SYCP1: variants seen among roughly 807,000 people sequenced by gnomAD.
SYCP1 encodes synaptonemal complex protein 1, also known as cancer/testis antigen 8.
Under a neutral mutation model 153.1 loss-of-function variants are expected in SYCP1, and 64 were observed. The observed-to-expected ratio is 0.42, with a 90% CI of 0.34 to 0.51. The LOEUF is 0.51. Among genes scored for constraint, SYCP1 ranks in the 20% least tolerant of loss-of-function variants. The pLI is 0.06. For missense variants in SYCP1, 997 were observed against 1,049.0 expected (o/e 0.95, Z 0.68); for synonymous variants, 384 against 341.8 (o/e 1.12, Z -1.36).
intron 23 of SYCP1, among the ~76,000 whole-genome samples, chr1:114,933,420 G>A (rs1570799896): frequency 6.6e-6 from 1 of 152,140 alleles, no homozygotes; most frequent in Non-Finnish European, 1.5e-5. Flanking sequence ...AAGACCAAAG[G>A]TAGATAAAAC....
intron 8 of SYCP1, among the ~76,000 whole-genome samples, chr1:114,866,080 A>G (rs2101359662): frequency 6.6e-6 from 1 of 152,252 alleles, no homozygotes; most frequent in South Asian, 2.1e-4. Context: ...TTATCCATTC[A>G]CTTACTAAAG....
intron 27 of SYCP1, among the ~76,000 whole-genome samples, chr1:114,960,406 G>T (rs1671712154): frequency 6.6e-6 from 1 of 152,158 alleles, no homozygotes; most frequent in Non-Finnish European, 1.5e-5. Context: ...GACCTCAGGT[G>T]ATCCACTCGC....
chr1:114,935,593 C>A (rs1669943727), intron 23 of SYCP1, among the ~76,000 whole-genome samples: 1 of 151,844 alleles, frequency 6.6e-6, no homozygotes, highest in African/African-American at 2.4e-5. Flanking sequence ...GAAACCCTTC[C>A]AAAAAATCAA....
intron 23 of SYCP1, among the ~76,000 whole-genome samples, chr1:114,927,876 A>C (rs750614073): frequency 7.9e-5 from 12 of 152,174 alleles, no homozygotes; most frequent in Non-Finnish European, 1.8e-4. Flanking sequence ...TGGAGTGTGC[A>C]GTGGAGTGAT....
chr1:114,984,259 A>G (rs1307797550), intron 29 of SYCP1, among the ~76,000 whole-genome samples: 2 of 152,124 alleles, frequency 1.3e-5, no homozygotes, highest in African/African-American at 2.4e-5. Flanking sequence ...ACAAGATAGT[A>G]TAGAATGTGA....
At chr1:114,944,271 G>T in intron 23 of SYCP1, 68 bp from the exon 24 acceptor site, 1 of 894,574 alleles carries the variant, frequency 1.1e-6, no homozygotes, top group South Asian at 1.6e-5. Flanking sequence ...ACCACAAAAT[G>T]AATATGGAAT....
chr1:114,973,235 G>A (rs1340001194), intron 27 of SYCP1, among the ~76,000 whole-genome samples: 1 of 152,018 alleles, frequency 6.6e-6, no homozygotes, highest in Non-Finnish European at 1.5e-5. Flanking sequence ...TTCTTTTAGA[G>A]GAATCTTCTG....
In SYCP1 at chr1:114,876,789, A is replaced by G. The variant is rs184948082; in HGVS notation, c.780A>G (p.Glu260=). 3 of 1,398,408 alleles carry G rather than the reference A, an allele frequency of 2.1e-6. No individual in the cohort carries two copies. The highest frequency in any genetic ancestry group is 2.8e-5 in the East Asian group (1 of 35,592). The allele number at this position is 1,398,408 out of a possible 1,614,324, so 86.6% of individuals were successfully genotyped here. The change falls in exon 11 of 32, where the codon GAA becomes GAG. Residue 260 remains glutamate (E), a synonymous_variant. Transcript: ENST00000369522. ...IQHLEQEYKK[E]INDKEKQVSL... ...ACCTTGAACAAGAATACAAGAAGGAAATAAATGACAAGGAAAAGCAGGTTT... is the reference window on the plus strand; with the variant it reads ...ACCTTGAACAAGAATACAAGAAGGAGATAAATGACAAGGAAAAGCAGGTTT...
chr1:114,955,438 C>T (rs1473637568), intron 27 of SYCP1, among the ~76,000 whole-genome samples: 1 of 152,146 alleles, frequency 6.6e-6, no homozygotes, highest in Non-Finnish European at 1.5e-5. Flanking sequence ...GTTTTCCTTG[C>T]TTCTGTTTTC....
chr1:114,856,939 A>C (rs1179785932), intron 3 of SYCP1, among the ~76,000 whole-genome samples: 3 of 146,990 alleles, frequency 2.0e-5, no homozygotes, highest in Non-Finnish European at 3.0e-5. Context: ...AAAAAAAAAA[A>C]AAAAAACCAG....
intron 20 of SYCP1, among the ~76,000 whole-genome samples, chr1:114,921,273 C>T (rs956576412): frequency 6.6e-6 from 1 of 152,004 alleles, no homozygotes; most frequent in African/African-American, 2.4e-5. Flanking sequence ...AAACTCTATA[C>T]TTTGTTTCCC....
intron 19 of SYCP1, 57 bp from the exon 20 acceptor site, chr1:114,913,918 T>A (rs1390304643): frequency 7.6e-7 from 1 of 1,313,142 alleles, no homozygotes; most frequent in Non-Finnish European, 1.0e-6. Context: ...AAATAGTAGT[T>A]TAAATTTTAT....
intron 23 of SYCP1, among the ~76,000 whole-genome samples, chr1:114,934,054 CA>C (rs1669814724): frequency 6.6e-6 from 1 of 152,072 alleles, no homozygotes; most frequent in Non-Finnish European, 1.5e-5. Flanking sequence ...TCAGGAAATA[CA>C]GAGAACACCA....
chr1:114,857,211 C>T, intron 3 of SYCP1, 21 bp from the exon 4 acceptor site: 2 of 1,558,950 alleles, frequency 1.3e-6, no homozygotes, highest in Middle Eastern at 1.8e-4. Context: ...TATTTAATAC[C>T]TGTTGTCTTT....
At chr1:114,974,116 T>C (rs1457027979) in intron 27 of SYCP1, among the ~76,000 whole-genome samples, 1 of 151,916 alleles carries the variant, frequency 6.6e-6, no homozygotes, top group Non-Finnish European at 1.5e-5. Context: ...TAACCTTGAT[T>C]GAATCTGTAA....
chr1:114,864,649 T>G (rs975772450), intron 8 of SYCP1, among the ~76,000 whole-genome samples: 14 of 151,784 alleles, frequency 9.2e-5, no homozygotes, highest in African/African-American at 3.4e-4. Context: ...CCACCAGGGC[T>G]GTCTAATTTT....
intron 16 of SYCP1, among the ~76,000 whole-genome samples, chr1:114,902,291 G>GT (rs1039416249): frequency 1.0e-3 from 158 of 151,414 alleles, no homozygotes; most frequent in African/African-American, 3.3e-3. Context: ...AGAAAAAGAT[G>GT]TTTTTTTTTG....
Position 114,858,558 on chromosome 1 carries a change from A to G in SYCP1, c.303A>G (p.Gly101=). 1 of 1,590,606 alleles carries G rather than the reference A, an allele frequency of 6.3e-7. No homozygotes were observed. ...ACATATTTTAATAGAATTCAGAGGG[A>G]TTGAGCAGAGTGTATTCAAAACTGT... is the stretch of plus-strand genomic sequence containing the variant. The part of the protein sequence containing the change: ...LKDSDLENSE[G]LSRVYSKLYK... The change falls in exon 6 of 32, where the codon GGA becomes GGG. Residue 101 remains glycine, a synonymous_variant. Transcript: ENST00000369522.
rs144234783 is a variant in SYCP1 at position 114,929,808 on chromosome 1, C to G, written c.1926+3245C>G. ...ACTGATAGAACAACTATTAAAACATCTATAAGGATGTAGAAAATCTGAACA... is the reference window on the plus strand; with the variant it reads ...ACTGATAGAACAACTATTAAAACATGTATAAGGATGTAGAAAATCTGAACA... On this transcript the variant is annotated intron_variant, in intron 23 of 31. Transcript: ENST00000369522. 6.4e-3 allele frequency among the ~76,000 whole-genome samples: 971 copies of G among 152,124 alleles called. 9 individuals are homozygous for G. The highest frequency in any genetic ancestry group is 0.022 in the African/African-American group (913 of 41,536).
Sources: gnomAD v4.1 joint callset for allele counts (sites outside exome capture counted in the v4.1 genomes callset) on GRCh38, gnomAD v4.1.1 for gene constraint, MANE v1.5 for transcripts, NCBI Gene and HGNC (gene_info 2026-07-23, HGNC 2026-07-21) for gene names.